PLAC1: variants seen among roughly 807,000 people sequenced by gnomAD.
PLAC1 encodes placenta-specific protein 1.
For synonymous variants in PLAC1, 68 were observed against 62.1 expected, an observed-to-expected ratio of 1.09 and a Z score of -0.44; for missense variants, 136 against 163.2, an observed-to-expected ratio of 0.83 and a Z score of 0.91.
chrX:134,704,005 A>C (rs1461832794), intron 2 of PLAC1, among the ~76,000 whole-genome samples: 1 of 104,293 alleles, frequency 9.6e-6, no homozygotes, highest in African/African-American at 3.5e-5. Flanking sequence ...CTGCACAAAA[A>C]TTCAAGTTAA....
intron 2 of PLAC1, among the ~76,000 whole-genome samples, chrX:134,597,648 CTGG>C (rs907956762): frequency 2.7e-5 from 3 of 111,844 alleles, no homozygotes; most frequent in Non-Finnish European, 3.8e-5. Context: ...GTAGAAAAAA[CTGG>C]AAGGGTTGCC....
intron 2 of PLAC1, among the ~76,000 whole-genome samples, chrX:134,583,438 T>G (rs1347674807): frequency 9.4e-6 from 1 of 106,475 alleles, no homozygotes; most frequent in Non-Finnish European, 1.9e-5. Flanking sequence ...TGAGTTGTTT[T>G]TTTTTTTTTT....
rs779064320 is a variant in PLAC1, at chrX:134,621,387, C to T, written c.-130-19265G>A. 2.7e-4 allele frequency among the ~76,000 whole-genome samples: 26 copies of T among 97,728 alleles called. No individual in the cohort carries two copies. The Admixed American group carries it at 3.0e-3, about 11-fold the overall frequency. The allele number at this position is 97,728 out of a possible 115,157, so 84.9% of individuals were successfully genotyped here. On this transcript the variant is annotated intron_variant, in intron 1 of 2. Coordinates refer to ENST00000359237, the MANE Select transcript of PLAC1 (RefSeq NM_021796.4). ...CTTGAACCCGGGAGGTGGAGGTTGCCGCGAGCCGAGATCGTGCCACTGCAC... is the reference window on the plus strand; with the variant it reads ...CTTGAACCCGGGAGGTGGAGGTTGCTGCGAGCCGAGATCGTGCCACTGCAC...
chrX:134,653,859 A>C (rs1443031002), intron 1 of PLAC1, among the ~76,000 whole-genome samples: 3 of 112,303 alleles, frequency 2.7e-5, no homozygotes, highest in Non-Finnish European at 5.6e-5. Flanking sequence ...CAAATAAATA[A>C]AATAAATAAA....
chrX:134,634,416 T>C (rs2078274599), intron 1 of PLAC1, among the ~76,000 whole-genome samples: 1 of 111,937 alleles, frequency 8.9e-6, no homozygotes, highest in East Asian at 2.8e-4. Context: ...TTCAGTGGTT[T>C]TTAGTATGTT....
chrX:134,738,709 CT>C (rs2078709906), intron 1 of PLAC1, among the ~76,000 whole-genome samples: 1 of 112,522 alleles, frequency 8.9e-6, no homozygotes, highest in African/African-American at 3.2e-5. Context: ...TGTTTTTGGG[CT>C]CCACAAGTTA....
chrX:134,732,587 G>A (rs1375931923), intron 2 of PLAC1, among the ~76,000 whole-genome samples: 6 of 111,739 alleles, frequency 5.4e-5, no homozygotes, highest in Non-Finnish European at 1.1e-4. Context: ...CCCAGCCCCT[G>A]AAAAATGCTC....
intron 2 of PLAC1, among the ~76,000 whole-genome samples, chrX:134,710,451 A>T (rs2078624731): frequency 8.9e-6 from 1 of 111,965 alleles, no homozygotes; most frequent in African/African-American, 3.2e-5. Flanking sequence ...TTAACCCAGA[A>T]ATCTTACTTT....
At chrX:134,640,757 C>T (rs1429944298) in intron 1 of PLAC1, among the ~76,000 whole-genome samples, 1 of 112,275 alleles carries the variant, frequency 8.9e-6, no homozygotes, top group African/African-American at 3.2e-5. Context: ...TTTGCTATAT[C>T]CCTAGAGCCC....
At chrX:134,706,262 GC>G (rs2078604341) in intron 2 of PLAC1, among the ~76,000 whole-genome samples, 1 of 112,699 alleles carries the variant, frequency 8.9e-6, no homozygotes, top group African/African-American at 3.2e-5. Flanking sequence ...CCCTCCCTAG[GC>G]TGTAAGGAAG....
intron 2 of PLAC1, among the ~76,000 whole-genome samples, chrX:134,693,876 C>T (rs932539625): frequency 1.8e-5 from 2 of 110,770 alleles, no homozygotes; most frequent in African/African-American, 3.3e-5. Context: ...TAAATATGTG[C>T]GCTTTAAAAA....
intron 2 of PLAC1, among the ~76,000 whole-genome samples, chrX:134,711,817 C>G (rs1008633291): frequency 1.8e-5 from 2 of 110,573 alleles, no homozygotes; most frequent in Non-Finnish European, 3.8e-5. Context: ...AAGGAGAGGG[C>G]CTCCTCCCTC....
At chrX:134,605,281 T>C (rs1435678088) in intron 1 of PLAC1, among the ~76,000 whole-genome samples, 2 of 111,660 alleles carry the variant, frequency 1.8e-5, no homozygotes, top group African/African-American at 6.5e-5. Flanking sequence ...ACCGGTATTT[T>C]CAATGTCAAC....
intron 1 of PLAC1, among the ~76,000 whole-genome samples, chrX:134,752,248 G>GT (rs111581970): frequency 0.14 from 14,775 of 108,847 alleles, 2,533 homozygotes; most frequent in African/African-American, 0.47. Context: ...TTCTTTGTTT[G>GT]TTTTTTTTTA....
intron 2 of PLAC1, among the ~76,000 whole-genome samples, chrX:134,665,465 T>C (rs2078433506): frequency 8.9e-6 from 1 of 112,039 alleles, no homozygotes; most frequent in Non-Finnish European, 1.9e-5. Flanking sequence ...TGAGACTATT[T>C]CTAGGTTTGG....
intron 1 of PLAC1, chrX:134,607,041 A>C (rs1171526592): frequency 1.8e-5 from 2 of 112,498 alleles, no homozygotes; most frequent in Non-Finnish European, 3.7e-5. Flanking sequence ...AATATTTTAA[A>C]ATATAGCTTC....
chrX:134,569,109 T>A (rs1279778304), intron 2 of PLAC1, among the ~76,000 whole-genome samples: 1 of 111,489 alleles, frequency 9.0e-6, no homozygotes, highest in East Asian at 2.8e-4. Context: ...CACCCAAGTT[T>A]AAGGCTACTC....
At chrX:134,656,928 A>T (rs1223318246) in intron 1 of PLAC1, among the ~76,000 whole-genome samples, 1 of 110,532 alleles carries the variant, frequency 9.0e-6, no homozygotes, top group Non-Finnish European at 1.9e-5. Flanking sequence ...TTTTCATCTT[A>T]TCTGCTCATT....
At chrX:134,734,180 A>T (rs919196676) in intron 1 of PLAC1, among the ~76,000 whole-genome samples, 1 of 112,569 alleles carries the variant, frequency 8.9e-6, no homozygotes, top group Non-Finnish European at 1.9e-5. Flanking sequence ...AGCCCTCTCA[A>T]ATGTGTTGTT....
Sources: gnomAD v4.1 joint callset for allele counts (sites outside exome capture counted in the v4.1 genomes callset) on GRCh38, gnomAD v4.1.1 for gene constraint, MANE v1.5 for transcripts, NCBI Gene and HGNC (gene_info 2026-07-23, HGNC 2026-07-21) for gene names.